DCLK2: variants seen among roughly 807,000 people sequenced by gnomAD.
DCLK2 encodes the protein serine/threonine-protein kinase DCLK2.
DCLK2 carries 31 observed loss-of-function variants against 78.4 expected under a neutral mutation model. That is an observed-to-expected ratio of 0.40 (90% CI 0.30 to 0.53). The LOEUF is 0.53. DCLK2 is among the 20% of genes least tolerant of loss of function. DCLK2 has a pLI of 0.61. For missense variants in DCLK2, 872 were observed against 973.7 expected (o/e 0.90, Z 1.39); for synonymous variants, 407 against 374.9 (o/e 1.09, Z -0.99).
chr4:150,225,984 A>G (rs898575605), intron 8 of DCLK2, among the ~76,000 whole-genome samples: 2 of 152,210 alleles, frequency 1.3e-5, no homozygotes, highest in Non-Finnish European at 2.9e-5. Flanking sequence ...TATAATAAGA[A>G]TTCAACACAT....
intron 1 of DCLK2, among the ~76,000 whole-genome samples, chr4:150,098,743 T>A (rs757787647): frequency 6.7e-6 from 1 of 149,632 alleles, no homozygotes; most frequent in Non-Finnish European, 1.5e-5. Context: ...TCACCCAGGC[T>A]GGAGTGCAGT....
intron 15 of DCLK2, 115 bp from the exon 16 acceptor site, chr4:150,255,905 T>C (rs1301082899): frequency 6.2e-6 from 9 of 1,457,250 alleles, no homozygotes; most frequent in Non-Finnish European, 8.2e-6. Context: ...CTTGGCGTTA[T>C]TTCTCCTCTT....
At chr4:150,211,510 C>T (rs185177268) in intron 5 of DCLK2, among the ~76,000 whole-genome samples, 13 of 152,236 alleles carry the variant, frequency 8.5e-5, no homozygotes, top group South Asian at 2.1e-4. Flanking sequence ...GGCAGTCACA[C>T]CAGCCTTCTC....
intron 2 of DCLK2, among the ~76,000 whole-genome samples, chr4:150,172,068 C>A (rs530962675): frequency 6.6e-6 from 1 of 152,190 alleles, no homozygotes; most frequent in Non-Finnish European, 1.5e-5. Context: ...TTAGTTGTTG[C>A]TCCTCCAGTG....
chr4:150,253,712 G>A (rs1313781208), intron 15 of DCLK2: 1 of 985,220 alleles, frequency 1.0e-6, no homozygotes, highest in African/African-American at 1.7e-5. Flanking sequence ...CAGCCAAGCA[G>A]GCCCCTGGAA....
chr4:150,116,114 G>A (rs1332220386), intron 2 of DCLK2, among the ~76,000 whole-genome samples: 1 of 152,214 alleles, frequency 6.6e-6, no homozygotes, highest in Non-Finnish European at 1.5e-5. Context: ...GCTGTTCTAT[G>A]TAGAGAGGAA....
At chr4:150,135,011 A>G (rs1334169644) in intron 2 of DCLK2, among the ~76,000 whole-genome samples, 4 of 152,174 alleles carry the variant, frequency 2.6e-5, no homozygotes, top group African/African-American at 9.7e-5. Flanking sequence ...AATGTTTGCT[A>G]TGAGAAAATT....
In DCLK2 at chr4:150,227,127, C is replaced by A. The variant is rs547849839; in HGVS notation, c.1299+2569C>A. Among the ~76,000 whole-genome samples the A allele has an allele frequency of 2.0e-5, 3 of 152,300 alleles. No individual in the cohort carries two copies. The South Asian group carries it at 6.2e-4, about 32-fold the overall frequency. ...CCAAAAAAGTCACACAGAGACTGAC[C>A]TGTGACTGGAATTTTGGGCTGTTTG... On this transcript the variant is annotated intron_variant, in intron 8 of 15. Coordinates refer to ENST00000296550, the MANE Select transcript of DCLK2 (RefSeq NM_001040260.4).
intron 5 of DCLK2, among the ~76,000 whole-genome samples, chr4:150,217,524 T>G (rs1335605978): frequency 6.6e-6 from 1 of 152,336 alleles, no homozygotes; most frequent in East Asian, 1.9e-4. Context: ...CGTCAGCACC[T>G]ATCCTGAAAT....
chr4:150,183,227 GA>G (rs1737659038), intron 2 of DCLK2, among the ~76,000 whole-genome samples: 1 of 152,124 alleles, frequency 6.6e-6, no homozygotes, highest in African/African-American at 2.4e-5. Context: ...TCAGATCTTA[GA>G]AAATGTCAAT....
intron 2 of DCLK2, among the ~76,000 whole-genome samples, chr4:150,149,037 CAAAA>C (rs11407877): frequency 0.018 from 1,934 of 104,640 alleles, 11 homozygotes; most frequent in Non-Finnish European, 0.029. Flanking sequence ...CAGACTGTCT[CAAAA>C]AAAAAAAAAA....
At chr4:150,192,870 C>T (rs1580688232) in intron 2 of DCLK2, among the ~76,000 whole-genome samples, 1 of 152,126 alleles carries the variant, frequency 6.6e-6, no homozygotes, top group African/African-American at 2.4e-5. Context: ...GGAAAAATCA[C>T]GTACCTTTTT....
rs1387212285 is a variant in DCLK2, at chr4:150,240,342, A to G, written c.1701-57A>G. The G allele has an allele frequency of 6.1e-6, 9 of 1,465,516 alleles. No individual in the cohort carries two copies. The East Asian group carries it at 1.8e-4, about 30-fold the overall frequency. The allele number at this position is 1,465,516 out of a possible 1,614,324, so 90.8% of individuals were successfully genotyped here. A position where few individuals can be genotyped will look rare whatever the true frequency, so the allele number is the denominator to read the frequency against. On this transcript the variant is annotated intron_variant, in intron 11 of 15. Transcript: ENST00000296550. ...CAAATAAAGGCAATACTCCAGTACC[A>G]TGGAAGGGTCTTGGGAGCCATCAGT...
At chr4:150,162,424 CTTTAT>C (rs1735768123) in intron 2 of DCLK2, among the ~76,000 whole-genome samples, 1 of 152,126 alleles carries the variant, frequency 6.6e-6, no homozygotes, top group Non-Finnish European at 1.5e-5. Flanking sequence ...TTAGGGCCAA[CTTTAT>C]TAAGTAGTAT....
intron 2 of DCLK2, among the ~76,000 whole-genome samples, chr4:150,130,430 C>T (rs912810070): frequency 6.6e-6 from 1 of 152,020 alleles, no homozygotes; most frequent in African/African-American, 2.4e-5. Flanking sequence ...CCATCCATCA[C>T]CCAGCCACAC....
intron 5 of DCLK2, 122 bp from the exon 6 acceptor site, chr4:150,220,581 G>A: frequency 1.4e-6 from 1 of 700,692 alleles, no homozygotes; most frequent in Non-Finnish European, 2.5e-6. Flanking sequence ...AGAAGAAAGG[G>A]AACGCCTCCT....
chr4:150,090,607 A>G (rs992360672), intron 1 of DCLK2, among the ~76,000 whole-genome samples: 11 of 152,072 alleles, frequency 7.2e-5, no homozygotes, highest in Admixed American at 7.2e-4. Context: ...GTAAGCTACA[A>G]AGCTTTTTGG....
rs1216421405 is a variant in DCLK2, at chr4:150,249,608, C to G, written c.1997C>G (p.Thr666Arg). ...GAGAATAACATGCAAGCTGAGGTGA[C>G]AGGTAAACTAAAACAGCACTTTAAT... Reference protein sequence around the residue: ...SQENNMQAEVTGKLKQHFNNA... With the variant: ...SQENNMQAEVRGKLKQHFNNA... Residue 666 changes from threonine (T) to arginine (R), a missense_variant, in exon 15 of 16, where the codon ACA (threonine) becomes AGA (arginine). Transcript: ENST00000296550. 8 of 1,613,624 alleles carry G rather than the reference C, an allele frequency of 5.0e-6. No homozygotes were observed. Among genetic ancestry groups the G allele is most frequent in the Non-Finnish European group, 6.8e-6 (8 of 1,179,974 alleles).
intron 2 of DCLK2, among the ~76,000 whole-genome samples, chr4:150,117,431 G>A (rs546474654): frequency 2.0e-5 from 3 of 152,314 alleles, no homozygotes; most frequent in Admixed American, 6.5e-5. Context: ...TGCCCATGAA[G>A]CAGGGGTGCC....
Sources: gnomAD v4.1 joint callset for allele counts (sites outside exome capture counted in the v4.1 genomes callset) on GRCh38, gnomAD v4.1.1 for gene constraint, MANE v1.5 for transcripts, NCBI Gene and HGNC (gene_info 2026-07-23, HGNC 2026-07-21) for gene names.